The following MAP6 variants were observed in gnomAD, a reference collection of about 807,000 sequenced individuals.
The protein encoded by MAP6 is microtubule associated protein 6.
A neutral mutation model predicts 42.4 loss-of-function variants in MAP6; 26 were observed. The observed-to-expected ratio is 0.61, with a 90% CI of 0.45 to 0.85. The LOEUF (loss-of-function observed/expected upper bound fraction) is 0.85. MAP6 is among the 40% of genes least tolerant of loss of function. The pLI is 0.00. For missense variants in MAP6, 966 were observed against 1,099.0 expected (o/e 0.88, Z 1.71); for synonymous variants, 418 against 443.8 (o/e 0.94, Z 0.73).
chr11:75,652,093 A>C (rs1191084144), intron 1 of MAP6, among the ~76,000 whole-genome samples: 1 of 152,246 alleles, frequency 6.6e-6, no homozygotes, highest in African/African-American at 2.4e-5. Context: ...AAAAGATTCT[A>C]TTCAATAATT....
At position 75,668,218 on chromosome 11, in the gene MAP6, T is replaced by TGCTGCGGCGGCGGTG. The variant is rs1425259279; in HGVS notation, c.137_151dup (p.Pro46_Gln50dup). 7.3e-6 allele frequency: 10 copies of TGCTGCGGCGGCGGTG among 1,363,080 alleles called. No homozygotes were observed. The highest frequency in any genetic ancestry group is 9.4e-6 in the Non-Finnish European group (10 of 1,062,402). The allele number at this position is 1,363,080 out of a possible 1,614,324, so 84.4% of individuals were successfully genotyped here. On this transcript the variant is annotated inframe_insertion, in exon 1 of 4. Coordinates refer to ENST00000304771, the MANE Select transcript of MAP6 (RefSeq NM_033063.2). Reference sequence around the variant, plus strand: ...GGGCGCGAGCGCCGGCTGCGCCTGCTGCTGCGGCGGCGGTGGCTGCGGCGG... The same window carrying TGCTGCGGCGGCGGTG: ...GGGCGCGAGCGCCGGCTGCGCCTGCTGCTGCGGCGGCGGTGGCTGCGGCGGCGGTGGCTGCGGCGG...
At chr11:75,646,499 TAAAA>T (rs763735730) in intron 1 of MAP6, among the ~76,000 whole-genome samples, 3 of 66,690 alleles carry the variant, frequency 4.5e-5, no homozygotes, top group Non-Finnish European at 8.2e-5. Context: ...CCATCTCTAT[TAAAA>T]AAAAAAAAAA....
chr11:75,628,658 T>G (rs1169777761), intron 1 of MAP6, among the ~76,000 whole-genome samples: 1 of 152,240 alleles, frequency 6.6e-6, no homozygotes. Context: ...TTTAAATTAC[T>G]GGAGGACTTT....
At chr11:75,653,530 C>T (rs1943686147) in intron 1 of MAP6, among the ~76,000 whole-genome samples, 1 of 152,210 alleles carries the variant, frequency 6.6e-6, no homozygotes, top group Non-Finnish European at 1.5e-5. Flanking sequence ...AACATCAAAG[C>T]ACAGAAACAT....
At chr11:75,618,107 CTTTTT>C (rs111520372) in intron 1 of MAP6, among the ~76,000 whole-genome samples, 2 of 108,904 alleles carry the variant, frequency 1.8e-5, no homozygotes, top group Admixed American at 9.3e-5. Context: ...TAAGTTTCTG[CTTTTT>C]TTTTTTTTTT....
intron 1 of MAP6, among the ~76,000 whole-genome samples, chr11:75,620,528 A>G (rs924059597): frequency 6.6e-6 from 1 of 151,978 alleles, no homozygotes; most frequent in Admixed American, 6.6e-5. Context: ...ATAGAAGAAA[A>G]GAGAATGCTT....
intron 3 of MAP6, among the ~76,000 whole-genome samples, chr11:75,589,607 C>G (rs938253519): frequency 6.6e-6 from 1 of 152,186 alleles, no homozygotes; most frequent in Non-Finnish European, 1.5e-5. Context: ...CCCCCACGGA[C>G]TAGCATCTGG....
intron 1 of MAP6, among the ~76,000 whole-genome samples, chr11:75,629,020 G>C (rs966118947): frequency 5.9e-5 from 9 of 152,166 alleles, no homozygotes; most frequent in African/African-American, 2.2e-4. Context: ...TCTGCCCAAA[G>C]TCACAGAGCT....
In MAP6 at chr11:75,667,824, C is replaced by G; in HGVS notation, c.546G>C (p.Ala182=). The G allele has an allele frequency of 7.5e-7, 1 of 1,336,460 alleles. No individual in the cohort carries two copies. The highest frequency in any genetic ancestry group is 9.6e-7 in the Non-Finnish European group (1 of 1,042,480). The allele number at this position is 1,336,460 out of a possible 1,614,324, so 82.8% of individuals were successfully genotyped here. A position where few individuals can be genotyped will look rare whatever the true frequency, so the allele number is the denominator to read the frequency against. Residue 182 remains alanine, a synonymous_variant, in exon 1 of 4, where the codon GCG becomes GCC. Transcript: ENST00000304771. This position sits in a 1 kb window ranked among gnomAD's most constrained non-coding sequence, Gnocchi z 5.6. ...GAATGGGCGCCGACGCCTGGGAGGCCGCAGAGATCTGCACGGGCTTGGGGA... is the reference window on the plus strand; with the variant it reads ...GAATGGGCGCCGACGCCTGGGAGGCGGCAGAGATCTGCACGGGCTTGGGGA... ...PWIPKPVQIS[A]ASQASAPILG...
intron 3 of MAP6, among the ~76,000 whole-genome samples, chr11:75,598,680 TTCAC>T (rs771588579): frequency 6.6e-6 from 1 of 152,230 alleles, no homozygotes; most frequent in Non-Finnish European, 1.5e-5. Flanking sequence ...TCATCATTCA[TTCAC>T]TCACTCATTT....
In MAP6 at chr11:75,587,974, G is replaced by A. The variant is rs537950705; in HGVS notation, c.1527C>T (p.His509=). 14 of 1,614,128 alleles carry A rather than the reference G, an allele frequency of 8.7e-6. No homozygotes were observed. In the South Asian group the frequency reaches 9.9e-5, roughly 11 times the overall value. ...MIPLPVKDQD[H]TVPEPLKNES... is the part of the protein sequence containing the mutation. Reference sequence around the variant, plus strand: ...CATTCTTTAAAGGCTCAGGGACCGTGTGATCTTGATCCTTGACTGGTAATG... The same window carrying A: ...CATTCTTTAAAGGCTCAGGGACCGTATGATCTTGATCCTTGACTGGTAATG... The change falls in exon 4 of 4, where the codon CAC becomes CAT. Residue 509 remains histidine, a synonymous_variant. Transcript: ENST00000304771.
At chr11:75,622,490 TATAA>T (rs527822760) in intron 1 of MAP6, among the ~76,000 whole-genome samples, 2 of 152,336 alleles carry the variant, frequency 1.3e-5, no homozygotes, top group South Asian at 4.1e-4. Context: ...GAAGAAATAT[TATAA>T]ATAAAGAGAT....
chr11:75,662,357 T>C (rs1018116888), intron 1 of MAP6, among the ~76,000 whole-genome samples: 1 of 152,198 alleles, frequency 6.6e-6, no homozygotes, highest in Non-Finnish European at 1.5e-5. Context: ...TATATATGAG[T>C]ATATATGTGT....
At chr11:75,648,338 A>G (rs1397279130) in intron 1 of MAP6, among the ~76,000 whole-genome samples, 1 of 152,156 alleles carries the variant, frequency 6.6e-6, no homozygotes, top group African/African-American at 2.4e-5. Context: ...TACCAAAAAT[A>G]ATTTTAAAAA....
intron 1 of MAP6, among the ~76,000 whole-genome samples, chr11:75,610,731 G>A (rs560258376): frequency 5.9e-5 from 9 of 152,296 alleles, no homozygotes; most frequent in African/African-American, 2.2e-4. Context: ...CTGTTAGGAA[G>A]TAGGGGAAGC....
intron 1 of MAP6, among the ~76,000 whole-genome samples, chr11:75,646,375 C>T (rs139656956): frequency 1.4e-4 from 22 of 151,894 alleles, no homozygotes; most frequent in Admixed American, 3.9e-4. Flanking sequence ...CAAGAAGCAA[C>T]GGCTGGCTGG....
chr11:75,629,635 T>A (rs1943253280), intron 1 of MAP6, among the ~76,000 whole-genome samples: 1 of 152,218 alleles, frequency 6.6e-6, no homozygotes, highest in East Asian at 1.9e-4. Context: ...TGGAAAAAGT[T>A]TATTCCACAG....
intron 3 of MAP6, among the ~76,000 whole-genome samples, chr11:75,598,253 C>T (rs1942615325): frequency 6.6e-6 from 1 of 152,218 alleles, no homozygotes; most frequent in South Asian, 2.1e-4. Context: ...GTTAAGGTCA[C>T]ACAGCTAGTA....
chr11:75,636,130 T>C (rs568257207), intron 1 of MAP6: 6 of 152,356 alleles, frequency 3.9e-5, no homozygotes, highest in African/African-American at 1.4e-4. Context: ...ATGATTCCGA[T>C]GCAGGTCCAC....
Sources: allele counts gnomAD v4.1 joint callset (sites outside exome capture counted in the v4.1 genomes callset), GRCh38; gene constraint gnomAD v4.1.1; non-coding constraint Gnocchi (gnomAD v3.1); transcripts MANE v1.5; gene names NCBI Gene and HGNC (gene_info 2026-07-23, HGNC 2026-07-21).